The following STK32B variants were observed in gnomAD, a reference collection of about 807,000 sequenced individuals.
STK32B encodes the protein serine/threonine kinase 32B.
STK32B carries 43 observed loss-of-function variants against 52.6 expected under a neutral mutation model. That is an observed-to-expected ratio of 0.82 (90% CI 0.64 to 1.05). The LOEUF is 1.05. Ranked by LOEUF, STK32B falls within the 50% of genes least tolerant of loss-of-function variation. STK32B has a pLI of 0.00. For missense variants in STK32B, 621 were observed against 534.6 expected (o/e 1.16, Z -1.59); for synonymous variants, 238 against 204.3 (o/e 1.17, Z -1.41).
chr4:5,249,324 A>G (rs1725715586), intron 3 of STK32B, among the ~76,000 whole-genome samples: 1 of 152,190 alleles, frequency 6.6e-6, no homozygotes, highest in Non-Finnish European at 1.5e-5. Context: ...AGGTCACACA[A>G]CTAAGAAGGC....
intron 3 of STK32B, among the ~76,000 whole-genome samples, chr4:5,206,079 G>A (rs550075187): frequency 1.3e-5 from 2 of 152,326 alleles, no homozygotes; most frequent in East Asian, 3.9e-4. Context: ...AACAGATTTG[G>A]TCTAGAGTGT....
At chr4:5,439,480 T>A (rs1714487655) in intron 6 of STK32B, among the ~76,000 whole-genome samples, 1 of 151,828 alleles carries the variant, frequency 6.6e-6, no homozygotes, top group African/African-American at 2.4e-5. Flanking sequence ...TTTGTTTGAG[T>A]TCATTGTAGA....
chr4:5,110,505 G>A (rs902068535), intron 1 of STK32B, among the ~76,000 whole-genome samples: 10 of 151,640 alleles, frequency 6.6e-5, no homozygotes, highest in Non-Finnish European at 8.8e-5. Context: ...TAAAAAATGG[G>A]AAAAAGACAT....
intron 6 of STK32B, among the ~76,000 whole-genome samples, chr4:5,418,629 T>G (rs2109073883): frequency 6.6e-6 from 1 of 152,356 alleles, no homozygotes; most frequent in South Asian, 2.1e-4. Flanking sequence ...GAGGTACAAC[T>G]TTTGCCGCAG....
At position 5,498,799 on chromosome 4, in the gene STK32B, G is replaced by A. The variant is rs879270018; in HGVS notation, c.1107-146G>A. 1.1e-5 allele frequency: 14 copies of A among 1,235,174 alleles called. No homozygotes were observed. In the African/African-American group the frequency reaches 1.2e-4, roughly 11 times the overall value. 76.5% of individuals were successfully genotyped at this position (1,235,174 alleles called of 1,614,324 possible). On this transcript the variant is annotated intron_variant, in intron 11 of 11. Coordinates refer to ENST00000282908, the MANE Select transcript of STK32B (RefSeq NM_018401.3). Reference sequence around the variant, plus strand: ...CCATCTGGCTACAGTGCACAGCACCGTGGATGCCTTAATGATCAATCTTCC... The same window carrying A: ...CCATCTGGCTACAGTGCACAGCACCATGGATGCCTTAATGATCAATCTTCC...
intron 2 of STK32B, among the ~76,000 whole-genome samples, chr4:5,146,535 G>A (rs937931239): frequency 6.6e-6 from 1 of 152,178 alleles, no homozygotes; most frequent in African/African-American, 2.4e-5. Flanking sequence ...GTGCCTACCC[G>A]TGTTGCAGGT....
chr4:5,317,009 T>C (rs1441384421), intron 3 of STK32B, among the ~76,000 whole-genome samples: 1 of 36,148 alleles, frequency 2.8e-5, no homozygotes, highest in East Asian at 1.3e-3. Flanking sequence ...ATATATAATA[T>C]ATATAATATA....
intron 5 of STK32B, among the ~76,000 whole-genome samples, chr4:5,404,833 T>C (rs1737548769): frequency 6.6e-6 from 1 of 151,542 alleles, no homozygotes; most frequent in Non-Finnish European, 1.5e-5. Context: ...CTCAATTAAA[T>C]TCATAACACC....
chr4:5,181,683 T>C (rs1720377220), intron 3 of STK32B, among the ~76,000 whole-genome samples: 2 of 152,256 alleles, frequency 1.3e-5, no homozygotes, highest in African/African-American at 4.8e-5. Flanking sequence ...AAGTGTGCAA[T>C]AGAATTATGT....
chr4:5,215,122 A>G (rs1414978835), intron 3 of STK32B, among the ~76,000 whole-genome samples: 2 of 152,174 alleles, frequency 1.3e-5, no homozygotes, highest in Non-Finnish European at 2.9e-5. Context: ...TTATTGAACT[A>G]TTTCTCTGGG....
At chr4:5,316,232 CA>C (rs1730697504) in intron 3 of STK32B, among the ~76,000 whole-genome samples, 1 of 49,352 alleles carries the variant, frequency 2.0e-5, no homozygotes, top group Non-Finnish European at 3.0e-5. Context: ...ATTATATATA[CA>C]ATATTATATA....
At chr4:5,247,769 C>T (rs760944208) in intron 3 of STK32B, among the ~76,000 whole-genome samples, 1 of 152,136 alleles carries the variant, frequency 6.6e-6, no homozygotes, top group African/African-American at 2.4e-5. Flanking sequence ...ACCCAGAGCC[C>T]TAGCCAAGGA....
rs1052281372 is a variant in STK32B at position 5,394,387 on chromosome 4, G to A, written c.435-3820G>A. ...GTTTTCAACAGGATGACGCGCTGGA[G>A]CTGAGATACGATCAATGTGAAAAAT... On this transcript the variant is annotated intron_variant, in intron 4 of 11. Transcript: ENST00000282908. This position sits in a 1 kb window ranked among gnomAD's most constrained non-coding sequence, Gnocchi z 4.2. Among the ~76,000 whole-genome samples, 4 of 152,182 alleles carry A rather than the reference G, an allele frequency of 2.6e-5. No homozygotes were observed. Among genetic ancestry groups the A allele is most frequent in the African/African-American group, 9.7e-5 (4 of 41,440 alleles).
chr4:5,401,177 C>T (rs775515167), intron 5 of STK32B, among the ~76,000 whole-genome samples: 6 of 152,200 alleles, frequency 3.9e-5, no homozygotes, highest in Admixed American at 1.3e-4. Flanking sequence ...AAAACCTTCA[C>T]TGTGAAACAT....
At chr4:5,047,102 T>A (rs1053526377), upstream of STK32B, among the ~76,000 whole-genome samples, 1 of 152,026 alleles carries the variant, frequency 6.6e-6, no homozygotes, top group Non-Finnish European at 1.5e-5. Flanking sequence ...TGCCCAACAA[T>A]GATAAATGGG....
intron 1 of STK32B, among the ~76,000 whole-genome samples, chr4:5,131,505 C>T (rs1042970052): frequency 6.6e-6 from 1 of 152,212 alleles, no homozygotes; most frequent in Non-Finnish European, 1.5e-5. Context: ...TGAAAAACTT[C>T]CTAGAGCCCT....
intron 3 of STK32B, among the ~76,000 whole-genome samples, chr4:5,168,700 G>C (rs1005116360): frequency 1.3e-5 from 2 of 152,200 alleles, no homozygotes; most frequent in Admixed American, 6.5e-5. Flanking sequence ...AGTGTTTTGC[G>C]TATTTGAGAA....
At chr4:5,144,001 G>A (rs1466242398) in intron 2 of STK32B, among the ~76,000 whole-genome samples, 5 of 152,172 alleles carry the variant, frequency 3.3e-5, no homozygotes, top group Non-Finnish European at 7.3e-5. Flanking sequence ...GGCTGGAATT[G>A]GGCCTCTACT....
intron 1 of STK32B, among the ~76,000 whole-genome samples, chr4:5,070,164 A>G (rs752442434): frequency 6.6e-6 from 1 of 152,124 alleles, no homozygotes; most frequent in African/African-American, 2.4e-5. Context: ...GCACATTCTG[A>G]TGGACTCTGC....
Sources: allele counts gnomAD v4.1 joint callset (sites outside exome capture counted in the v4.1 genomes callset), GRCh38; gene constraint gnomAD v4.1.1; non-coding constraint Gnocchi (gnomAD v3.1); transcripts MANE v1.5; gene names NCBI Gene and HGNC (gene_info 2026-07-23, HGNC 2026-07-21).